Variants in TRPA1 observed in about 807,000 individuals in gnomAD.
TRPA1 encodes ankyrin-like with transmembrane domains 1.
A neutral mutation model predicts 131.3 loss-of-function variants in TRPA1; 129 were observed. The observed-to-expected ratio is 0.98, with a 90% confidence interval of 0.85 to 1.14. The LOEUF (loss-of-function observed/expected upper bound fraction) is 1.14. Ranked by LOEUF, TRPA1 falls within the 50% of genes most tolerant of loss-of-function variation. TRPA1 has a pLI of 0.00. For missense variants in TRPA1, 1,304 were observed against 1,354.2 expected (o/e 0.96, Z 0.58); for synonymous variants, 441 against 451.7 (o/e 0.98, Z 0.30).
At chr8:72,062,711 C>A (rs959107846) in intron 6 of TRPA1, 88 bp downstream of exon 6, 68 of 1,314,944 alleles carry the variant, frequency 5.2e-5, no homozygotes, top group Non-Finnish European at 7.1e-5. Flanking sequence ...GTATTTCAAT[C>A]TAAATTAACT....
intron 14 of TRPA1, among the ~76,000 whole-genome samples, chr8:72,051,311 A>T (rs1003725287): frequency 1.3e-5 from 2 of 152,212 alleles, no homozygotes; most frequent in Non-Finnish European, 2.9e-5. Flanking sequence ...ATTGAGTTAA[A>T]CTACAAATTA....
At chr8:72,044,679 T>C (rs1425285672) in intron 17 of TRPA1, among the ~76,000 whole-genome samples, 2 of 151,984 alleles carry the variant, frequency 1.3e-5, no homozygotes, top group African/African-American at 2.4e-5. Flanking sequence ...TTAATCTCAG[T>C]GTCTGATTTC....
chr8:72,056,848 A>G, intron 10 of TRPA1, 69 bp downstream of exon 10: 1 of 1,078,142 alleles, frequency 9.3e-7, no homozygotes. Context: ...CAAAAATTAT[A>G]ATAAACAAAA....
At chr8:72,027,479 T>C (rs1811650633) in intron 24 of TRPA1, among the ~76,000 whole-genome samples, 1 of 152,186 alleles carries the variant, frequency 6.6e-6, no homozygotes, top group African/African-American at 2.4e-5. Flanking sequence ...ATGGACTGTC[T>C]GCAGCTGCCA....
chr8:72,039,536 T>A (rs1485057561), intron 18 of TRPA1, among the ~76,000 whole-genome samples, 191 bp downstream of exon 18: 2 of 152,130 alleles, frequency 1.3e-5, no homozygotes, highest in African/African-American at 2.4e-5. Context: ...TTATTTGGTC[T>A]TTTTCACTTT....
chr8:72,061,056 TG>T (rs1805797088), intron 7 of TRPA1, among the ~76,000 whole-genome samples: 1 of 152,202 alleles, frequency 6.6e-6, no homozygotes, highest in African/African-American at 2.4e-5. Context: ...CCAAAAGAAT[TG>T]AATTTCCAGT....
intron 18 of TRPA1, among the ~76,000 whole-genome samples, chr8:72,039,441 AT>A (rs2129433998): frequency 6.6e-6 from 1 of 152,140 alleles, no homozygotes; most frequent in East Asian, 1.9e-4. Flanking sequence ...CATGTCTTAT[AT>A]AATAATTCCC....
chr8:72,037,426 A>T (rs1470758096), intron 20 of TRPA1, among the ~76,000 whole-genome samples: 1 of 152,150 alleles, frequency 6.6e-6, no homozygotes, highest in East Asian at 1.9e-4. Flanking sequence ...GGACCTGCAG[A>T]TAATTTATAC....
the TRPA1 span, among the ~76,000 whole-genome samples, chr8:72,081,446 AC>A: frequency 6.6e-6 from 1 of 151,848 alleles, no homozygotes; most frequent in African/African-American, 2.4e-5. Flanking sequence ...AGACTGTTCT[AC>A]ATACACTTGA....
chr8:72,059,411 T>C lies in TRPA1; in HGVS notation c.972A>G (p.Leu324=), dbSNP rs375268460. Residue 324 remains leucine (L), a synonymous_variant, in exon 8 of 27, where the codon CTA becomes CTG. Transcript: ENST00000262209. ...HRASLFDHHE[L]ADYLISVGAD... The stretch of plus-strand genomic sequence containing the variant: ...TTACCACTGAAATTAAATAGTCTGC[T>C]AGCTCATGGTGATCAAACAATGAAG... 12 of 1,584,698 alleles carry C rather than the reference T, an allele frequency of 7.6e-6. No homozygotes were observed. The African/African-American group carries it at 1.5e-4, about 20-fold the overall frequency.
intron 7 of TRPA1, among the ~76,000 whole-genome samples, chr8:72,059,789 A>T (rs142294178): frequency 1.3e-5 from 2 of 152,202 alleles, no homozygotes; most frequent in African/African-American, 4.8e-5. Context: ...ATCCTGGGGA[A>T]TAGAACAGCT....
chr8:72,028,773 A>C (rs1811698464), intron 24 of TRPA1, among the ~76,000 whole-genome samples: 1 of 152,198 alleles, frequency 6.6e-6, no homozygotes, highest in Non-Finnish European at 1.5e-5. Context: ...GTTGTACTGG[A>C]CTTTGTACAT....
rs1328947611 is a variant in TRPA1 at position 72,075,391 on chromosome 8, T to G, written c.19A>C (p.Lys7Gln). MKRSLR[K>Q]MWRPGEKKEP... ...TTCTTTTCTCCAGGGCGCCACATCT[T>G]CCTCAGGCTGCGCTTCATTGACCCC... Residue 7 changes from lysine (K) to glutamine (Q), a missense_variant, in exon 1 of 27, where the codon AAG (lysine) becomes CAG (glutamine). By Grantham distance (53) the Lys-to-Gln change is moderately conservative (BLOSUM62 1). Coordinates refer to ENST00000262209, the MANE Select transcript of TRPA1 (RefSeq NM_007332.3). The G allele has an allele frequency of 1.2e-6, 2 of 1,609,746 alleles. No individual in the cohort carries two copies. Among genetic ancestry groups the G allele is most frequent in the South Asian group, 1.1e-5 (1 of 90,980 alleles).
In TRPA1 at chr8:72,036,446, A is replaced by G. The variant is rs762912660; in HGVS notation, c.2397T>C (p.Tyr799=). The G allele has an allele frequency of 2.5e-6, 4 of 1,613,866 alleles. No homozygotes were observed. Among genetic ancestry groups the G allele is most frequent in the Non-Finnish European group, 3.4e-6 (4 of 1,179,786 alleles). ...AGQIFQQKRN[Y]FMDISNVLEW... is the part of the protein sequence containing the mutation. ...CAAGAACATTGCTTATATCCATAAA[A>G]TAATTCCTTTTCTGGGATAGAAAAG... Residue 799 remains tyrosine, a synonymous_variant, in exon 21 of 27, where the codon TAT becomes TAC. Transcript: ENST00000262209.
the TRPA1 span, among the ~76,000 whole-genome samples, chr8:72,086,691 C>T: frequency 1.3e-5 from 2 of 151,868 alleles, no homozygotes; most frequent in Admixed American, 6.6e-5. Flanking sequence ...TTTTTATATT[C>T]CTTCTTGGTA....
intron 12 of TRPA1, chr8:72,054,245 T>G: frequency 7.7e-6 from 2 of 260,236 alleles, no homozygotes; most frequent in South Asian, 9.0e-5. Context: ...ATGAACACTG[T>G]ATCAAAATTT....
At chr8:72,066,779 T>G (rs1418698595) in intron 3 of TRPA1, among the ~76,000 whole-genome samples, 1 of 152,146 alleles carries the variant, frequency 6.6e-6, no homozygotes, top group South Asian at 2.1e-4. Flanking sequence ...CTTAGAATCA[T>G]AGATCATAAA....
intron 17 of TRPA1, among the ~76,000 whole-genome samples, chr8:72,044,208 A>G (rs981771553): frequency 2.1e-3 from 294 of 136,794 alleles, no homozygotes; most frequent in Non-Finnish European, 3.0e-3. Flanking sequence ...TATTCTTGGG[A>G]AAAAAAAAAA....
At chr8:72,052,856 CTATT>C (rs1375606437) in intron 13 of TRPA1, 91 bp from the exon 14 acceptor site, 10 of 1,423,808 alleles carry the variant, frequency 7.0e-6, no homozygotes, top group Admixed American at 5.1e-5. Flanking sequence ...ATTAGCGACA[CTATT>C]TAATACCAAA....
Sources: allele counts gnomAD v4.1 joint callset (sites outside exome capture counted in the v4.1 genomes callset), GRCh38; gene constraint gnomAD v4.1.1; transcripts MANE v1.5; gene names NCBI Gene and HGNC (gene_info 2026-07-23, HGNC 2026-07-21).